TYRO3: variants seen among roughly 807,000 people sequenced by gnomAD.
TYRO3 encodes tyrosine-protein kinase receptor TYRO3.
TYRO3 carries 38 observed loss-of-function variants against 95.2 expected under a neutral mutation model. The observed-to-expected ratio is 0.40, with a 90% CI of 0.31 to 0.52. The LOEUF (loss-of-function observed/expected upper bound fraction) is 0.52, where lower values mean the gene tolerates loss of function less well. Among genes scored for constraint, TYRO3 ranks in the 20% least tolerant of loss-of-function variants. The probability of loss-of-function intolerance (pLI) is 0.56; values close to 1 mark genes in which losing one functional copy is unlikely to be tolerated. For synonymous variants in TYRO3, 367 were observed against 432.9 expected, an observed-to-expected ratio of 0.85 and a Z score of 1.89; for missense variants, 812 against 1,116.4, an observed-to-expected ratio of 0.73 and a Z score of 3.89.
chr15:41,571,467 C>T lies in TYRO3; in HGVS notation c.1661-128C>T, dbSNP rs562256823. 86 of 695,318 alleles carry T rather than the reference C, an allele frequency of 1.2e-4. No homozygotes were observed. The South Asian group carries it at 1.4e-3, about 11-fold the overall frequency. The allele number at this position is 695,318 out of a possible 1,614,324, so 43.1% of individuals were successfully genotyped here. A position where few individuals can be genotyped will look rare whatever the true frequency, so the allele number is the denominator to read the frequency against. On this transcript the variant is annotated intron_variant, in intron 13 of 18. Coordinates refer to ENST00000263798, the MANE Select transcript of TYRO3 (RefSeq NM_006293.4). Reference sequence around the variant, plus strand: ...CCACTCCTTGGGGGTTTCTCCTGCTCATGGCTGGGCTGTTTCCTGGGCTCC... The same window carrying T: ...CCACTCCTTGGGGGTTTCTCCTGCTTATGGCTGGGCTGTTTCCTGGGCTCC...
chr15:41,569,964 G>T, intron 9 of TYRO3, 63 bp from the exon 10 acceptor site: 1 of 1,562,106 alleles, frequency 6.4e-7, no homozygotes. Flanking sequence ...GCCATCCTGG[G>T]AAAGTTCTGA....
At position 41,568,911 on chromosome 15, in the gene TYRO3, T is replaced by G. The variant is rs1378545647; in HGVS notation, c.1141T>G (p.Leu381Val). ...ELTVEGTRAN[L>V]TGWDPQKDLI... ...GACAGTGGAGGGGACCAGGGCCAAT[T>G]TGACAGGCTGGGATCCCCAAAAGGA... Residue 381 changes from leucine to valine, a missense_variant, in exon 9 of 19, where the codon TTG becomes GTG. Transcript: ENST00000263798. 2 of 1,612,782 alleles carry G rather than the reference T, an allele frequency of 1.2e-6. No homozygotes were observed.
chr15:41,568,228 G>A lies in TYRO3; in HGVS notation c.973G>A (p.Ala325Thr), dbSNP rs750363957. ...CTCTTTGGCTGCAGCCCCAGCCAGC[G>A]CTCCCCAAAACCTCCATGCCATCCG... ...FQTKGLAPAS[A>T]PQNLHAIRTD... The change falls in exon 8 of 19, where the codon GCT (alanine) becomes ACT (threonine). Residue 325 changes from alanine to threonine, a missense_variant. Physicochemically the swap from Ala to Thr is moderately conservative, Grantham distance 58. Coordinates refer to ENST00000263798, the MANE Select transcript of TYRO3 (RefSeq NM_006293.4). The A allele has an allele frequency of 2.1e-5, 34 of 1,612,034 alleles. No homozygotes were observed. The highest frequency in any genetic ancestry group is 5.0e-5 in the Admixed American group (3 of 59,986).
rs374360738 is a variant in TYRO3, at chr15:41,578,324, C to T, written c.*48C>T. 10 of 1,607,372 alleles carry T rather than the reference C, an allele frequency of 6.2e-6. No homozygotes were observed. The African/African-American group carries it at 1.3e-4, about 21-fold the overall frequency. On this transcript the variant is annotated 3_prime_UTR_variant, in exon 19 of 19. Transcript: ENST00000263798. ...GCCATTTGGCCGGCTCTGGTGGCCA[C>T]TGAGCTGGCTGACTAAGCCCCGTCT... is the stretch of plus-strand genomic sequence containing the variant.
rs756123306 is a variant in TYRO3 at position 41,565,075 on chromosome 15, C to A, written c.717C>A (p.Ser239Arg). ...FNITVTKLSS[S>R]NASVAWMPGA... ...TCACCGTGACAAAGCTTTCCAGCAG[C>A]AACGCTAGTGTGGCCTGGATGCCAG... is the stretch of plus-strand genomic sequence containing the variant. The change falls in exon 6 of 19, where the codon AGC becomes AGA. Residue 239 changes from serine to arginine, a missense_variant. Coordinates refer to ENST00000263798, the MANE Select transcript of TYRO3 (RefSeq NM_006293.4). 6.2e-7 allele frequency: 1 copy of A among 1,613,344 alleles called. No individual in the cohort carries two copies. The highest frequency in any genetic ancestry group is 8.5e-7 in the Non-Finnish European group (1 of 1,180,020).
intron 7 of TYRO3, among the ~76,000 whole-genome samples, chr15:41,567,957 G>A (rs929753606): frequency 6.6e-6 from 1 of 152,174 alleles, no homozygotes; most frequent in Admixed American, 6.5e-5. Flanking sequence ...TGAGAGGGGA[G>A]TGGTAAGGGG....
chr15:41,566,320 TAAA>T (rs57924730), intron 6 of TYRO3, among the ~76,000 whole-genome samples: 21,469 of 40,650 alleles, frequency 0.53, 5,835 homozygotes, highest in Non-Finnish European at 0.61. Flanking sequence ...CTGTCTCTAT[TAAA>T]AAAAAAAAAA....
At chr15:41,567,719 C>A (rs1284025039) in intron 7 of TYRO3, among the ~76,000 whole-genome samples, 182 bp downstream of exon 7, 1 of 152,130 alleles carries the variant, frequency 6.6e-6, no homozygotes, top group African/African-American at 2.4e-5. Flanking sequence ...GATAAGCAAA[C>A]TGGAAAAGAT....
At position 41,579,764 on chromosome 15, in the gene TYRO3, T is replaced by G. The variant is rs1274852785; in HGVS notation, c.*1488T>G. 1 of 151,148 alleles carries G rather than the reference T, an allele frequency of 6.6e-6. No individual in the cohort carries two copies. Among genetic ancestry groups the G allele is most frequent in the African/African-American group, 2.4e-5 (1 of 41,210 alleles). The allele number at this position is 151,148 out of a possible 1,614,324, so 9.4% of individuals were successfully genotyped here. ...AAATGTTAACAGCTGTTATCTTTTT[T>G]TTTTTTTTTTTGAGACCGAGTCTCA... On this transcript the variant is annotated 3_prime_UTR_variant, in exon 19 of 19. Transcript: ENST00000263798.
intron 5 of TYRO3, chr15:41,564,812 C>A: frequency 3.6e-6 from 2 of 551,670 alleles, no homozygotes; most frequent in Non-Finnish European, 6.6e-6. Flanking sequence ...GAGAGGCAAC[C>A]TCTCTCCACA....
At chr15:41,570,430 T>C in intron 11 of TYRO3, 90 bp downstream of exon 11, 1 of 1,339,802 alleles carries the variant, frequency 7.5e-7, no homozygotes, top group South Asian at 1.3e-5. Context: ...GACTGATATG[T>C]CTGAACATCA....
intron 1 of TYRO3, among the ~76,000 whole-genome samples, chr15:41,559,710 T>C (rs2052138990): frequency 6.6e-6 from 1 of 152,132 alleles, no homozygotes; most frequent in Admixed American, 6.5e-5. Flanking sequence ...TCCTTCCCAG[T>C]ACTGGGGACC....
intron 2 of TYRO3, 67 bp downstream of exon 2, chr15:41,561,377 T>C (rs2055651743): frequency 6.7e-7 from 1 of 1,489,972 alleles, no homozygotes; most frequent in Admixed American, 2.0e-5. Context: ...TCCTTGGGGA[T>C]TGGGAGCTGG....
chr15:41,571,054 G>A lies in TYRO3; in HGVS notation c.1596G>A (p.Val532=). The A allele has an allele frequency of 6.2e-7, 1 of 1,614,108 alleles. No individual in the cohort carries two copies. Among genetic ancestry groups the A allele is most frequent in the Non-Finnish European group, 8.5e-7 (1 of 1,179,984 alleles). Residue 532 remains valine (V), a synonymous_variant, in exon 13 of 19, where the codon GTG becomes GTA. Transcript: ENST00000263798. ...RMLGKGEFGS[V]REAQLKQEDG... ...GGTTCCTAGGAGAGTTTGGTTCAGT[G>A]CGGGAGGCCCAGCTGAAGCAAGAGG... is the stretch of plus-strand genomic sequence containing the variant.
chr15:41,560,574 T>G (rs1423376586), intron 1 of TYRO3, among the ~76,000 whole-genome samples: 1 of 152,026 alleles, frequency 6.6e-6, no homozygotes, highest in Non-Finnish European at 1.5e-5. Context: ...CTGCCCACAT[T>G]CAGGTATTAA....
At chr15:41,567,560 C>T (rs757107516) in intron 7 of TYRO3, 23 bp downstream of exon 7, 10 of 1,445,242 alleles carry the variant, frequency 6.9e-6, no homozygotes, top group African/African-American at 5.8e-5. Context: ...TAGAGCAGAG[C>T]GGGTGGGCAG....
In TYRO3 at chr15:41,577,869, G is replaced by A. The variant is rs1356023980; in HGVS notation, c.2283-17G>A. The A allele has an allele frequency of 9.4e-6, 15 of 1,601,538 alleles. No homozygotes were observed. Among genetic ancestry groups the A allele is most frequent in the East Asian group, 4.5e-5 (2 of 44,662 alleles). On this transcript the variant is annotated splice_polypyrimidine_tract_variant and intron_variant, in intron 18 of 18. Transcript: ENST00000263798. ...GGGAAGGGCTCCTGCCTTTTCTCAC[G>A]CTTCTCTCCACCCCAGGTATGATCT...
In TYRO3 at chr15:41,573,662, C is replaced by T; in HGVS notation, c.2146-17C>T. The stretch of plus-strand genomic sequence containing the variant: ...CACCTAGTGACAGCTTCTCCCCCAA[C>T]CTCGATTCTGTCCCAGTGGGCGTTC... On this transcript the variant is annotated splice_polypyrimidine_tract_variant and intron_variant, in intron 17 of 18. Coordinates refer to ENST00000263798, the MANE Select transcript of TYRO3 (RefSeq NM_006293.4). The T allele has an allele frequency of 6.2e-7, 1 of 1,614,076 alleles. No individual in the cohort carries two copies. The highest frequency in any genetic ancestry group is 8.5e-7 in the Non-Finnish European group (1 of 1,179,950).
At chr15:41,565,635 G>C (rs2055713203) in intron 6 of TYRO3, among the ~76,000 whole-genome samples, 1 of 144,100 alleles carries the variant, frequency 6.9e-6, no homozygotes, top group South Asian at 2.2e-4. Flanking sequence ...CACCATATTA[G>C]CCAGCCTGAT....
Sources: gnomAD v4.1 joint callset for allele counts (sites outside exome capture counted in the v4.1 genomes callset) on GRCh38, gnomAD v4.1.1 for gene constraint, MANE v1.5 for transcripts, NCBI Gene and HGNC (gene_info 2026-07-23, HGNC 2026-07-21) for gene names.